SLCO2B1: variants seen among roughly 807,000 people sequenced by gnomAD.
SLCO2B1 encodes the protein solute carrier organic anion transporter family member 2B1, also known as OATP-RP2.
In SLCO2B1, 41 loss-of-function variants were observed where a neutral mutation model predicts 67.3. That is an observed-to-expected ratio of 0.61 (90% CI 0.47 to 0.79). SLCO2B1 has a LOEUF of 0.79. Ranked by LOEUF, SLCO2B1 falls within the 30% of genes least tolerant of loss-of-function variation. The pLI is 0.00. For missense variants in SLCO2B1, 837 were observed against 920.1 expected (o/e 0.91, Z 1.17); for synonymous variants, 379 against 381.4 (o/e 0.99, Z 0.07).
chr11:75,169,695 C>T lies in SLCO2B1; in HGVS notation c.712C>T (p.Pro238Ser), dbSNP rs779219127. The change falls in exon 6 of 14, where the codon CCA becomes TCA. Residue 238 changes from proline (P) to serine (S), a missense_variant. Pro to Ser is a moderately conservative substitution (Grantham distance 74, BLOSUM62 -1). Transcript: ENST00000289575. ...CCTGTTTGCAGTGACCATGATGGGG[C>T]CAGGCCTGGCCTTTGGGCTGGGCAG... Reference protein sequence around the residue: ...GILFAVTMMGPGLAFGLGSLM... With the variant: ...GILFAVTMMGSGLAFGLGSLM... The T allele has an allele frequency of 8.7e-6, 14 of 1,613,820 alleles. No homozygotes were observed. The East Asian group carries it at 2.5e-4, about 28-fold the overall frequency.
intron 7 of SLCO2B1, among the ~76,000 whole-genome samples, chr11:75,187,092 CTT>C (rs1357197472): frequency 6.6e-6 from 1 of 152,180 alleles, no homozygotes; most frequent in African/African-American, 2.4e-5. Context: ...ATTTTTGACT[CTT>C]ATTTCCTTCT....
Position 75,172,408 on chromosome 11 carries a change from C to A in SLCO2B1, c.811C>A (p.Arg271=), listed in dbSNP as rs75431210. The change falls in exon 7 of 14, where the codon CGA becomes AGA. Residue 271 remains arginine (R), a synonymous_variant. Transcript: ENST00000289575. ...TATCAGCCTGACCATAAAGGACCCC[C>A]GATGGGTGGGTGCCTGGTGGCTGGG... The part of the protein sequence containing the change: ...GGISLTIKDP[R]WVGAWWLGFL... 2.0e-3 allele frequency: 3,184 copies of A among 1,614,036 alleles called. 3 individuals are homozygous for A. Among genetic ancestry groups the A allele is most frequent in the Non-Finnish European group, 2.6e-3 (3,012 of 1,179,926 alleles).
At position 75,157,833 on chromosome 11, in the gene SLCO2B1, A is replaced by G. The variant is rs560545500; in HGVS notation, c.17-4822A>G. Among the ~76,000 whole-genome samples the G allele has an allele frequency of 2.4e-3, 366 of 152,306 alleles. 7 individuals carry two copies. Among genetic ancestry groups the G allele is most frequent in the Admixed American group, 0.022 (334 of 15,294 alleles). Reference sequence around the variant, plus strand: ...TTAATTTACTTATTATTATTTTTACATAGAGATGGGGTATCACCATGTCAC... The same window carrying G: ...TTAATTTACTTATTATTATTTTTACGTAGAGATGGGGTATCACCATGTCAC... On this transcript the variant is annotated intron_variant, in intron 1 of 13. Transcript: ENST00000289575.
chr11:75,192,394 G>A (rs555970397), intron 8 of SLCO2B1, among the ~76,000 whole-genome samples: 18 of 152,282 alleles, frequency 1.2e-4, no homozygotes, highest in African/African-American at 3.4e-4. Context: ...AGCTAGATGA[G>A]TGAGAGGTAT....
At chr11:75,176,452 G>A (rs1327659277) in intron 7 of SLCO2B1, among the ~76,000 whole-genome samples, 1 of 152,206 alleles carries the variant, frequency 6.6e-6, no homozygotes, top group South Asian at 2.1e-4. Context: ...ATGTCTGAGA[G>A]GTTGGGATTC....
chr11:75,179,480 C>G (rs868622181), intron 7 of SLCO2B1, among the ~76,000 whole-genome samples: 5 of 152,022 alleles, frequency 3.3e-5, no homozygotes, highest in East Asian at 3.9e-4. Flanking sequence ...GATCCACCCC[C>G]CTCAGCCTCC....
chr11:75,203,444 T>G lies in SLCO2B1; in HGVS notation c.1949+17T>G. The G allele has an allele frequency of 6.2e-7, 1 of 1,613,884 alleles. No individual in the cohort carries two copies. Among genetic ancestry groups the G allele is most frequent in the Non-Finnish European group, 8.5e-7 (1 of 1,179,850 alleles). ...CCGAAACCGGTGAGACCTGGTTTGA[T>G]GGCTTGTGGGAAGGGTGCTGGAAAT... On this transcript the variant is annotated intron_variant, in intron 13 of 13. Coordinates refer to ENST00000289575, the MANE Select transcript of SLCO2B1 (RefSeq NM_007256.5).
At chr11:75,194,433 C>T (rs1195547081) in intron 9 of SLCO2B1, among the ~76,000 whole-genome samples, 3 of 152,206 alleles carry the variant, frequency 2.0e-5, no homozygotes, top group African/African-American at 7.2e-5. Context: ...TAGGTGCCAG[C>T]TTTCATCACC....
chr11:75,198,854 T>G (rs947621477), intron 10 of SLCO2B1, among the ~76,000 whole-genome samples: 5 of 152,084 alleles, frequency 3.3e-5, no homozygotes, highest in African/African-American at 1.2e-4. Flanking sequence ...TGAACAGGTG[T>G]GGAGCTGAAT....
At chr11:75,203,590 C>A in intron 13 of SLCO2B1, 163 bp downstream of exon 13, 1 of 810,510 alleles carries the variant, frequency 1.2e-6, no homozygotes, top group South Asian at 1.8e-5. Flanking sequence ...AAGCTAAACA[C>A]TGCCCCCCTC....
chr11:75,162,178 C>A (rs895794174), intron 1 of SLCO2B1, among the ~76,000 whole-genome samples: 4 of 152,150 alleles, frequency 2.6e-5, no homozygotes, highest in African/African-American at 9.7e-5. Context: ...GACTATGGAC[C>A]TAGCCTTGAC....
intron 9 of SLCO2B1, chr11:75,196,143 A>T (rs1945093790): frequency 5.1e-6 from 1 of 194,472 alleles, no homozygotes. Flanking sequence ...CATAGCTCTG[A>T]TTTTCTGAGA....
Position 75,203,279 on chromosome 11 carries a change from A to G in SLCO2B1, c.1829-28A>G, listed in dbSNP as rs1262972948. 10 of 1,609,748 alleles carry G rather than the reference A, an allele frequency of 6.2e-6. No homozygotes were observed. The African/African-American group carries it at 6.7e-5, about 11-fold the overall frequency. Reference sequence around the variant, plus strand: ...GGGCAGGGTAGGACGGTGGGCCTTCATTGTCCCCTGAGCACCACCTCCCTC... The same window carrying G: ...GGGCAGGGTAGGACGGTGGGCCTTCGTTGTCCCCTGAGCACCACCTCCCTC... On this transcript the variant is annotated intron_variant, in intron 12 of 13. Transcript: ENST00000289575.
At chr11:75,160,113 G>A (rs944804715) in intron 1 of SLCO2B1, among the ~76,000 whole-genome samples, 1 of 152,198 alleles carries the variant, frequency 6.6e-6, no homozygotes, top group African/African-American at 2.4e-5. Flanking sequence ...TTCCTTCAGA[G>A]CTGGGGCTCC....
At chr11:75,169,864 AC>A in intron 6 of SLCO2B1, 100 bp downstream of exon 6, 1 of 916,496 alleles carries the variant, frequency 1.1e-6, no homozygotes, top group Non-Finnish European at 1.8e-6. Context: ...TCCTAGCAGC[AC>A]CACTGACCTT....
Position 75,193,786 on chromosome 11 carries a change from G to A in SLCO2B1, c.1433+211G>A, listed in dbSNP as rs1189382854. On this transcript the variant is annotated intron_variant, in intron 9 of 13. Transcript: ENST00000289575. This position sits in a 1 kb window ranked among gnomAD's most constrained non-coding sequence, Gnocchi z 4.2. ...TGTCAGGCACCACTGGAAGGGGCAT[G>A]GATGAGACTTCAGGGGCAGAAACTC... is the stretch of plus-strand genomic sequence containing the variant. 6.6e-6 allele frequency among the ~76,000 whole-genome samples: 1 copy of A among 152,238 alleles called. No individual in the cohort carries two copies. The highest frequency in any genetic ancestry group is 2.4e-5 in the African/African-American group (1 of 41,464).
intron 2 of SLCO2B1, 149 bp downstream of exon 2, chr11:75,162,934 C>T (rs1415607552): frequency 9.5e-6 from 9 of 946,664 alleles, no homozygotes; most frequent in South Asian, 1.8e-5. Flanking sequence ...GGATGATCTG[C>T]GAAAGCACTC....
At chr11:75,153,308 C>T (rs1173019179) in intron 1 of SLCO2B1, among the ~76,000 whole-genome samples, 1 of 152,176 alleles carries the variant, frequency 6.6e-6, no homozygotes, top group Admixed American at 6.5e-5. Context: ...TCTCTCCAGC[C>T]CAACTGTGTT....
At chr11:75,195,225 G>A (rs929085869) in intron 9 of SLCO2B1, among the ~76,000 whole-genome samples, 8 of 152,168 alleles carry the variant, frequency 5.3e-5, no homozygotes, top group African/African-American at 2.4e-5. Context: ...AGGAGCGGAG[G>A]AAGGACTCCC....
Sources: gnomAD v4.1 joint callset for allele counts (sites outside exome capture counted in the v4.1 genomes callset) on GRCh38, gnomAD v4.1.1 for gene constraint, Gnocchi (gnomAD v3.1) non-coding constraint, MANE v1.5 for transcripts, NCBI Gene and HGNC (gene_info 2026-07-23, HGNC 2026-07-21) for gene names.